Variants in ZNF774 observed in about 807,000 individuals in gnomAD.
The protein encoded by ZNF774 is zinc finger protein 774.
Under a neutral mutation model 11.1 loss-of-function variants are expected in ZNF774, and 14 were observed. The ratio of observed to expected loss-of-function variants is 1.26; its 90% CI spans 0.83 to 1.97. ZNF774 has a LOEUF of 1.97. Among genes scored for constraint, ZNF774 ranks in the 30% most tolerant of loss-of-function variants. The pLI is 0.00. For synonymous variants in ZNF774, 195 were observed against 212.6 expected (o/e 0.92, Z 0.72); for missense variants, 599 against 587.0 (o/e 1.02, Z -0.21).
chr15:90,356,310 C>A (rs547633146), intron 2 of ZNF774, among the ~76,000 whole-genome samples: 2 of 151,730 alleles, frequency 1.3e-5, no homozygotes, highest in East Asian at 2.0e-4. Flanking sequence ...TCAAGTGATC[C>A]GCTCACTTCG....
At position 90,360,109 on chromosome 15, in the gene ZNF774, C is replaced by A. The variant is rs746683609; in HGVS notation, c.278C>A (p.Ser93Tyr). ...NSETAEQCGT[S>Y]SERTNKDLSH... is the part of the protein sequence containing the mutation. ...GAAACAGCAGAACAATGTGGAACATCCTCAGAAAGGACCAATAAAGATCTT... is the reference window on the plus strand; with the variant it reads ...GAAACAGCAGAACAATGTGGAACATACTCAGAAAGGACCAATAAAGATCTT... The change falls in exon 4 of 4, where the codon TCC (serine) becomes TAC (tyrosine). Residue 93 changes from serine (S) to tyrosine (Y), a missense_variant. Coordinates refer to ENST00000354377, the MANE Select transcript of ZNF774 (RefSeq NM_001004309.3). The A allele has an allele frequency of 6.2e-7, 1 of 1,614,152 alleles. No individual in the cohort carries two copies. The highest frequency in any genetic ancestry group is 1.1e-5 in the South Asian group (1 of 91,084).
At chr15:90,357,018 G>A (rs1739231886) in intron 2 of ZNF774, among the ~76,000 whole-genome samples, 1 of 152,040 alleles carries the variant, frequency 6.6e-6, no homozygotes, top group Non-Finnish European at 1.5e-5. Context: ...ATTTTTTATT[G>A]AAGTATAATT....
In ZNF774 at chr15:90,360,903, C is replaced by T; in HGVS notation, c.1072C>T (p.Gln358Ter). Residue 358 changes from glutamine to a stop codon, truncating the protein, a stop_gained, in exon 4 of 4, where the codon CAG becomes TAG. Coordinates refer to ENST00000354377, the MANE Select transcript of ZNF774 (RefSeq NM_001004309.3). LOFTEE classifies it low-confidence loss of function (END_TRUNC). ...SCPDCHKSFS[Q>*]SSHLVTHQRT... ...TCCTGACTGCCACAAAAGCTTCAGT[C>T]AGAGCTCACATTTGGTCACGCACCA... The T allele has an allele frequency of 6.2e-7, 1 of 1,614,064 alleles. No individual in the cohort carries two copies. The highest frequency in any genetic ancestry group is 8.5e-7 in the Non-Finnish European group (1 of 1,180,004).
intron 2 of ZNF774, chr15:90,355,236 A>G (rs1964227589): frequency 6.6e-6 from 3 of 452,718 alleles, no homozygotes; most frequent in Admixed American, 4.7e-5. Flanking sequence ...TCCTTGGGAG[A>G]AAAACAATTA....
At position 90,360,605 on chromosome 15, in the gene ZNF774, A is replaced by C. The variant is rs1170027998; in HGVS notation, c.774A>C (p.Thr258=). The C allele has an allele frequency of 1.9e-6, 3 of 1,613,846 alleles. No homozygotes were observed. The African/African-American group carries it at 4.0e-5, about 22-fold the overall frequency. The change falls in exon 4 of 4, where the codon ACA becomes ACC. Residue 258 remains threonine, a synonymous_variant. Coordinates refer to ENST00000354377, the MANE Select transcript of ZNF774 (RefSeq NM_001004309.3). ...PHLIMHQRTH[T]GEKPYACLEC... ...TCATAATGCACCAAAGAACCCACAC[A>C]GGCGAGAAGCCCTACGCGTGCCTGG...
chr15:90,362,362 T>G lies in ZNF774; in HGVS notation c.*1079T>G, dbSNP rs1354710374. The G allele has an allele frequency of 1.7e-6, 1 of 583,464 alleles. No homozygotes were observed. Among genetic ancestry groups the G allele is most frequent in the African/African-American group, 1.9e-5 (1 of 53,788 alleles). The allele number at this position is 583,464 out of a possible 1,614,324, so 36.1% of individuals were successfully genotyped here. The stretch of plus-strand genomic sequence containing the variant: ...CTGACACAGAGAAAATATCCTACAA[T>G]GAACAAGCCAGAGGGACCTGGTAGA... On this transcript the variant is annotated 3_prime_UTR_variant, in exon 4 of 4. Transcript: ENST00000354377.
rs1964348563 is a variant in ZNF774 at position 90,362,368 on chromosome 15, A to G, written c.*1085A>G. The G allele has an allele frequency of 1.6e-6, 1 of 607,412 alleles. No individual in the cohort carries two copies. Among genetic ancestry groups the G allele is most frequent in the South Asian group, 2.0e-5 (1 of 50,804 alleles). 37.6% of individuals were successfully genotyped at this position (607,412 alleles called of 1,614,324 possible). The stretch of plus-strand genomic sequence containing the variant: ...CAGAGAAAATATCCTACAATGAACA[A>G]GCCAGAGGGACCTGGTAGAGGACTA... On this transcript the variant is annotated 3_prime_UTR_variant, in exon 4 of 4. Coordinates refer to ENST00000354377, the MANE Select transcript of ZNF774 (RefSeq NM_001004309.3).
intron 1 of ZNF774, among the ~76,000 whole-genome samples, chr15:90,353,425 AGTGTGTGTGTGTGTGTGTGTGTGT>A (rs56080142): frequency 1.4e-5 from 2 of 139,434 alleles, no homozygotes; most frequent in African/African-American, 5.4e-5. Context: ...TTCCCCCAAA[AGTGTGTGTGTGTGTGTGTGTGTGT>A]GTGTGTGTGT....
At chr15:90,352,790 C>G (rs1377138948) in intron 1 of ZNF774, among the ~76,000 whole-genome samples, 1 of 151,782 alleles carries the variant, frequency 6.6e-6, no homozygotes, top group Non-Finnish European at 1.5e-5. Flanking sequence ...CACTTAGTCA[C>G]AGCCCCTCAG....
intron 1 of ZNF774, among the ~76,000 whole-genome samples, chr15:90,354,023 G>T (rs28576553): frequency 0.07 from 10,179 of 144,596 alleles, 1,076 homozygotes; most frequent in African/African-American, 0.24. Flanking sequence ...TGTGTTTTGT[G>T]CTTATTCCCA....
intron 2 of ZNF774, among the ~76,000 whole-genome samples, chr15:90,356,123 CTTTT>C (rs576797131): frequency 7.3e-6 from 1 of 137,330 alleles, no homozygotes. Context: ...TTCTTTCTTT[CTTTT>C]TTTTTTTTTG....
chr15:90,360,874 G>T lies in ZNF774; in HGVS notation c.1043G>T (p.Ser348Ile), dbSNP rs1158645606. Residue 348 changes from serine to isoleucine, a missense_variant, in exon 4 of 4, where the codon AGT becomes ATT. Ser to Ile is a moderately radical substitution (Grantham distance 142). Transcript: ENST00000354377. The part of the protein sequence containing the change: ...MSTHSGERPF[S>I]CPDCHKSFSQ... ...ACTCATTCAGGAGAGAGGCCTTTCA[G>T]TTGTCCTGACTGCCACAAAAGCTTC... 2.8e-5 allele frequency: 45 copies of T among 1,613,912 alleles called. No individual in the cohort carries two copies. Among genetic ancestry groups the T allele is most frequent in the African/African-American group, 5.3e-5 (4 of 74,868 alleles).
chr15:90,353,621 G>T (rs1596227922), intron 1 of ZNF774, among the ~76,000 whole-genome samples: 3 of 151,532 alleles, frequency 2.0e-5, no homozygotes, highest in Admixed American at 2.0e-4. Flanking sequence ...GGGAGAGACA[G>T]GGGCTCACTC....
At position 90,358,947 on chromosome 15, in the gene ZNF774, A is replaced by G; in HGVS notation, c.201A>G (p.Glu67=). 1 of 1,613,564 alleles carries G rather than the reference A, an allele frequency of 6.2e-7. No homozygotes were observed. The highest frequency in any genetic ancestry group is 8.5e-7 in the Non-Finnish European group (1 of 1,179,614). The change falls in exon 3 of 4, where the codon GAA becomes GAG. Residue 67 remains glutamate, a synonymous_variant. Coordinates refer to ENST00000354377, the MANE Select transcript of ZNF774 (RefSeq NM_001004309.3). ...QNFEARKIPR[E]SHTDCEHQVA... is the part of the protein sequence containing the mutation. ...TTGAGGCGAGGAAGATCCCGAGGGA[A>G]AGCCACACAGGTGAGATGTGAGTGC...
Position 90,362,762 on chromosome 15 carries a change from C to T in ZNF774, c.*1479C>T, listed in dbSNP as rs1964354347. 1 of 552,040 alleles carries T rather than the reference C, an allele frequency of 1.8e-6. No homozygotes were observed. Among genetic ancestry groups the T allele is most frequent in the Non-Finnish European group, 3.3e-6 (1 of 307,640 alleles). The allele number at this position is 552,040 out of a possible 1,614,324, so 34.2% of individuals were successfully genotyped here. On this transcript the variant is annotated 3_prime_UTR_variant, in exon 4 of 4. Transcript: ENST00000354377. ...GGATCTAAAAATACACACACACACA[C>T]ACACACACACACACACACACACACT...
At chr15:90,356,568 C>T (rs1964252762) in intron 2 of ZNF774, among the ~76,000 whole-genome samples, 1 of 152,132 alleles carries the variant, frequency 6.6e-6, no homozygotes, top group Non-Finnish European at 1.5e-5. Flanking sequence ...CAAACATCAT[C>T]CCTAATCCCA....
Position 90,361,520 on chromosome 15 carries a change from A to C in ZNF774, c.*237A>C. ...ACTCTTAGGGAAATGTGAGTTTAAT[A>C]GTTGATGCCCGCCAGGCGTGGTGGC... is the stretch of plus-strand genomic sequence containing the variant. On this transcript the variant is annotated 3_prime_UTR_variant, in exon 4 of 4. Coordinates refer to ENST00000354377, the MANE Select transcript of ZNF774 (RefSeq NM_001004309.3). 1 of 1,256,662 alleles carries C rather than the reference A, an allele frequency of 8.0e-7. No homozygotes were observed. The highest frequency in any genetic ancestry group is 1.0e-6 in the Non-Finnish European group (1 of 999,000). The allele number at this position is 1,256,662 out of a possible 1,614,324, so 77.8% of individuals were successfully genotyped here. A position where few individuals can be genotyped will look rare whatever the true frequency, so the allele number is the denominator to read the frequency against.
intron 1 of ZNF774, among the ~76,000 whole-genome samples, chr15:90,353,646 G>A (rs1964204795): frequency 6.6e-6 from 1 of 151,338 alleles, no homozygotes; most frequent in Non-Finnish European, 1.5e-5. Context: ...GCTAGGCTGG[G>A]GTGCAGTGGC....
intron 2 of ZNF774, chr15:90,355,477 C>T (rs2151681030): frequency 2.2e-6 from 1 of 455,756 alleles, no homozygotes; most frequent in African/African-American, 2.0e-5. Flanking sequence ...GTAATCCCAG[C>T]ACTTTGGTAG....
Sources: gnomAD v4.1 joint callset for allele counts (sites outside exome capture counted in the v4.1 genomes callset) on GRCh38, gnomAD v4.1.1 for gene constraint, MANE v1.5 for transcripts, NCBI Gene and HGNC (gene_info 2026-07-23, HGNC 2026-07-21) for gene names.